The following SORBS2 variants were observed in gnomAD, a reference collection of about 807,000 sequenced individuals.
SORBS2 encodes the protein sorbin and SH3 domain containing 2.
A neutral mutation model predicts 97.7 loss-of-function variants in SORBS2; 46 were observed. The ratio of observed to expected loss-of-function variants is 0.47; its 90% CI spans 0.37 to 0.60. The LOEUF is 0.60. Ranked by LOEUF, SORBS2 falls within the 20% of genes least tolerant of loss-of-function variation. The pLI, the probability that SORBS2 is intolerant of heterozygous loss-of-function variation, is 0.00. For synonymous variants in SORBS2, 476 were observed against 473.4 expected (o/e 1.01, Z -0.07); for missense variants, 1,316 against 1,282.3 (o/e 1.03, Z -0.40).
At chr4:185,905,414 T>G (rs1329919013) in intron 1 of SORBS2, among the ~76,000 whole-genome samples, 4 of 152,218 alleles carry the variant, frequency 2.6e-5, no homozygotes, top group Admixed American at 6.5e-5. Flanking sequence ...AGCTGTATTA[T>G]TTTTATACAG....
intron 2 of SORBS2, among the ~76,000 whole-genome samples, chr4:185,757,750 G>GTA (rs2098839718): frequency 6.6e-6 from 1 of 152,168 alleles, no homozygotes; most frequent in African/African-American, 2.4e-5. Context: ...AGAGACAAGG[G>GTA]TATACATTAG....
intron 1 of SORBS2, among the ~76,000 whole-genome samples, chr4:185,859,916 G>T (rs2099222723): frequency 6.6e-6 from 1 of 152,224 alleles, no homozygotes; most frequent in Admixed American, 6.5e-5. Context: ...TGTGAGTCAT[G>T]CAGAGAGATG....
intron 1 of SORBS2, among the ~76,000 whole-genome samples, chr4:185,842,939 A>AG (rs2099212484): frequency 6.6e-6 from 1 of 151,688 alleles, no homozygotes. Flanking sequence ...CTAAAAAAAA[A>AG]AAAAAAAAAA....
At chr4:185,730,475 C>T (rs188541489) in intron 2 of SORBS2, among the ~76,000 whole-genome samples, 1 of 152,190 alleles carries the variant, frequency 6.6e-6, no homozygotes, top group East Asian at 1.9e-4. Context: ...TGAGCTGGGG[C>T]CCTGGAGCTC....
chr4:185,781,651 AGCGTCCCTTCCATTGCCTCCG>A (rs56175692), intron 1 of SORBS2, among the ~76,000 whole-genome samples: 53,923 of 145,314 alleles, frequency 0.37, 10,734 homozygotes, highest in Middle Eastern at 0.42. Flanking sequence ...CGGCCTCTCC[AGCGTCCCTTCCATTGCCTCCG>A]GCCTCTCCAG....
chr4:185,655,493 A>G (rs1277215856), intron 1 of SORBS2, among the ~76,000 whole-genome samples: 2 of 152,194 alleles, frequency 1.3e-5, no homozygotes, highest in Non-Finnish European at 2.9e-5. Context: ...GTAAGAGGAG[A>G]GTCCTCATAG....
intron 2 of SORBS2, among the ~76,000 whole-genome samples, chr4:185,749,965 G>T (rs1018759352): frequency 2.0e-5 from 3 of 152,232 alleles, no homozygotes; most frequent in African/African-American, 7.2e-5. Flanking sequence ...ACACTGGAAG[G>T]TTGGTTGCTA....
intron 1 of SORBS2, among the ~76,000 whole-genome samples, chr4:185,898,968 C>T (rs1438336726): frequency 6.6e-6 from 1 of 152,088 alleles, no homozygotes; most frequent in Non-Finnish European, 1.5e-5. Flanking sequence ...ACCTATCATG[C>T]TTTGGTTCAA....
intron 1 of SORBS2, among the ~76,000 whole-genome samples, chr4:185,886,570 A>AAG (rs1281211597): frequency 9.6e-6 from 1 of 104,422 alleles, no homozygotes; most frequent in Non-Finnish European, 2.3e-5. Context: ...AAAAAAAAAA[A>AAG]AAAGAAAAGA....
At chr4:185,676,726 T>A (rs2097792570) in intron 4 of SORBS2, among the ~76,000 whole-genome samples, 1 of 136,128 alleles carries the variant, frequency 7.3e-6, no homozygotes, top group Non-Finnish European at 1.6e-5. Context: ...GACCCCTCAA[T>A]GATTTCCCAT....
At chr4:185,668,573 C>T (rs548407760) in intron 4 of SORBS2, among the ~76,000 whole-genome samples, 1 of 152,288 alleles carries the variant, frequency 6.6e-6, no homozygotes, top group African/African-American at 2.4e-5. Context: ...ATGGAATATA[C>T]CCTGTAGACC....
chr4:185,868,350 G>T (rs1259342933), intron 1 of SORBS2, among the ~76,000 whole-genome samples: 2 of 151,254 alleles, frequency 1.3e-5, no homozygotes, highest in Admixed American at 1.3e-4. Context: ...TAGAGACAGG[G>T]TTTCACTATG....
At chr4:185,651,688 T>G in intron 2 of SORBS2, 96 bp downstream of exon 11, 2 of 770,974 alleles carry the variant, frequency 2.6e-6, no homozygotes, top group South Asian at 2.9e-5. Flanking sequence ...ACTGAAAACA[T>G]GTGCTCAAAC....
intron 2 of SORBS2, among the ~76,000 whole-genome samples, chr4:185,752,389 C>T (rs976552989): frequency 1.3e-5 from 2 of 152,186 alleles, no homozygotes; most frequent in Non-Finnish European, 2.9e-5. Flanking sequence ...CATTCTCCTG[C>T]CTCAGCCTCC....
chr4:185,627,519 A>G (rs1054587594), intron 5 of SORBS2, among the ~76,000 whole-genome samples: 1 of 152,178 alleles, frequency 6.6e-6, no homozygotes, highest in Non-Finnish European at 1.5e-5. Flanking sequence ...TGCCCGGACA[A>G]CTAAATTTTT....
chr4:185,956,019 G>A (rs2099279368), intron 1 of SORBS2, among the ~76,000 whole-genome samples: 1 of 152,178 alleles, frequency 6.6e-6, no homozygotes, highest in South Asian at 2.1e-4. Flanking sequence ...AACGTAAAGT[G>A]TTCCTTTATT....
intron 2 of SORBS2, among the ~76,000 whole-genome samples, chr4:185,694,273 A>G (rs1183289053): frequency 6.6e-6 from 1 of 152,250 alleles, no homozygotes; most frequent in Non-Finnish European, 1.5e-5. Flanking sequence ...TCTGGAAAGC[A>G]TCAAATTCCT....
intron 4 of SORBS2, among the ~76,000 whole-genome samples, chr4:185,664,833 G>C (rs528106286): frequency 2.0e-4 from 30 of 152,120 alleles, no homozygotes; most frequent in African/African-American, 6.5e-4. Flanking sequence ...TTTTGTCTAT[G>C]ACAGTGCTTA....
At chr4:185,592,026 GA>G (rs2095954155) in intron 13 of SORBS2, 1 of 152,262 alleles carries the variant, frequency 6.6e-6, no homozygotes, top group African/African-American at 2.4e-5. Context: ...AATGGGAAAT[GA>G]AGACAAATCC....
Sources: gnomAD v4.1 joint callset for allele counts (sites outside exome capture counted in the v4.1 genomes callset) on GRCh38, gnomAD v4.1.1 for gene constraint, MANE v1.5 for transcripts, NCBI Gene and HGNC (gene_info 2026-07-23, HGNC 2026-07-21) for gene names.